WDR72: variants seen among roughly 807,000 people sequenced by gnomAD.
The protein encoded by WDR72 is WD repeat-containing protein 72.
Under a neutral mutation model 124.2 loss-of-function variants are expected in WDR72, and 120 were observed. The observed-to-expected ratio is 0.97, with a 90% CI of 0.83 to 1.12. WDR72 has a LOEUF of 1.12. Ranked by LOEUF, WDR72 falls within the 50% of genes most tolerant of loss-of-function variation. The probability of loss-of-function intolerance (pLI) is 0.00; values close to 1 mark genes in which losing one functional copy is unlikely to be tolerated. For missense variants in WDR72, 1,387 were observed against 1,278.8 expected (o/e 1.08, Z -1.29); for synonymous variants, 452 against 441.7 (o/e 1.02, Z -0.29).
chr15:53,619,379 TC>T (rs2013897746), intron 14 of WDR72, among the ~76,000 whole-genome samples: 1 of 151,738 alleles, frequency 6.6e-6, no homozygotes, highest in African/African-American at 2.4e-5. Flanking sequence ...ATACCAGGTA[TC>T]CAGGGGTACT....
chr15:53,734,531 T>G (rs1282659537), intron 1 of WDR72, among the ~76,000 whole-genome samples: 1 of 152,178 alleles, frequency 6.6e-6, no homozygotes, highest in Non-Finnish European at 1.5e-5. Flanking sequence ...TGTTGCTTCC[T>G]GACCAAGCTT....
intron 3 of WDR72, among the ~76,000 whole-genome samples, chr15:53,719,282 G>C (rs1258634408): frequency 6.6e-6 from 1 of 151,470 alleles, no homozygotes; most frequent in African/African-American, 2.4e-5. Flanking sequence ...TTTTTTCTTT[G>C]GCATTCTCAG....
intron 1 of WDR72, among the ~76,000 whole-genome samples, chr15:53,757,718 T>A (rs1393277783): frequency 6.6e-6 from 1 of 152,200 alleles, no homozygotes; most frequent in Non-Finnish European, 1.5e-5. Flanking sequence ...CTAACATTAT[T>A]ATTATTAAAT....
chr15:53,624,568 C>CA lies in WDR72; in HGVS notation c.1963-8326dup, dbSNP rs1213272138. Among the ~76,000 whole-genome samples, 47 of 152,204 alleles carry CA rather than the reference C, an allele frequency of 3.1e-4. 1 individual carries two copies. The highest frequency in any genetic ancestry group is 1.1e-3 in the African/African-American group (45 of 41,458). On this transcript the variant is annotated intron_variant, in intron 14 of 19. Transcript: ENST00000360509. ...AGCCACAATAGGCCTAGTGCACTGCCATAAGCAAAAATCCTAAATTTGTGT... is the reference window on the plus strand; with the variant it reads ...AGCCACAATAGGCCTAGTGCACTGCCAATAAGCAAAAATCCTAAATTTGTGT...
intron 13 of WDR72, among the ~76,000 whole-genome samples, chr15:53,668,783 G>A (rs991766574): frequency 7.3e-5 from 11 of 151,694 alleles, no homozygotes; most frequent in Admixed American, 5.3e-4. Flanking sequence ...GCATGTGCTT[G>A]TAGTCACAGC....
At chr15:53,562,938 T>C (rs1236590799) in intron 18 of WDR72, among the ~76,000 whole-genome samples, 3 of 151,816 alleles carry the variant, frequency 2.0e-5, no homozygotes, top group Non-Finnish European at 4.4e-5. Flanking sequence ...ACTTAAATCA[T>C]ACCAAGATAC....
At chr15:53,622,805 T>C (rs879354394) in intron 14 of WDR72, among the ~76,000 whole-genome samples, 1 of 151,520 alleles carries the variant, frequency 6.6e-6, no homozygotes, top group Non-Finnish European at 1.5e-5. Context: ...TAAACTAAAA[T>C]AAAGGGCCCT....
chr15:53,606,777 C>G (rs1160418601), intron 17 of WDR72, among the ~76,000 whole-genome samples: 1 of 152,032 alleles, frequency 6.6e-6, no homozygotes, highest in Non-Finnish European at 1.5e-5. Context: ...TTCAAATGAG[C>G]TTTACGTCTT....
At position 53,759,087 on chromosome 15, in the gene WDR72, G is replaced by C. The variant is rs187694799; in HGVS notation, c.-13+546C>G. Reference sequence around the variant, plus strand: ...AGCAAGGAAAGTTTCGCCAGCCCCCGTCCCCACAGCCCCAAGCTGTCACAC... The same window carrying C: ...AGCAAGGAAAGTTTCGCCAGCCCCCCTCCCCACAGCCCCAAGCTGTCACAC... On this transcript the variant is annotated intron_variant, in intron 1 of 19. Transcript: ENST00000360509. 3.7e-4 allele frequency among the ~76,000 whole-genome samples: 56 copies of C among 152,042 alleles called. No homozygotes were observed. In the East Asian group the frequency reaches 9.5e-3, roughly 26 times the overall value.
chr15:53,760,706 G>A (rs2019046372), upstream of WDR72, among the ~76,000 whole-genome samples: 1 of 152,094 alleles, frequency 6.6e-6, no homozygotes, highest in South Asian at 2.1e-4. Context: ...CTAGCAATCG[G>A]GTTGCTGGAT....
rs922156351 is a variant in WDR72 at position 53,552,142 on chromosome 15, G to C, written c.3149-28820C>G. The stretch of plus-strand genomic sequence containing the variant: ...CTATACCTATCATGTGTGTGTGTGT[G>C]TGTGTGTGTGTTTATGTATGTACTA... On this transcript the variant is annotated intron_variant, in intron 18 of 19. Coordinates refer to ENST00000360509, the MANE Select transcript of WDR72 (RefSeq NM_182758.4). 4.0e-5 allele frequency among the ~76,000 whole-genome samples: 6 copies of C among 151,880 alleles called. No individual in the cohort carries two copies. The East Asian group carries it at 1.2e-3, about 29-fold the overall frequency.
At chr15:53,677,304 T>C (rs543838849) in intron 13 of WDR72, among the ~76,000 whole-genome samples, 16 of 152,328 alleles carry the variant, frequency 1.1e-4, no homozygotes, top group Non-Finnish European at 1.8e-4. Flanking sequence ...AGACATTTCA[T>C]ACTTTTTTAT....
At chr15:53,681,919 T>C (rs1248151238) in intron 13 of WDR72, among the ~76,000 whole-genome samples, 1 of 152,092 alleles carries the variant, frequency 6.6e-6, no homozygotes, top group African/African-American at 2.4e-5. Flanking sequence ...ATTTTTAAAA[T>C]AAGTCATGGA....
chr15:53,699,887 T>C lies in WDR72; in HGVS notation c.1628A>G (p.His543Arg). Residue 543 changes from histidine (H) to arginine (R), a missense_variant, in exon 13 of 20, where the codon CAC (histidine) becomes CGC (arginine). Transcript: ENST00000360509. ...CAGGAGGCAACTCTTTCCCTCAAGG[T>C]GAAGGAGAGCCACGGAATGGTCACC... ...VCGDHSVALL[H>R]LEGKSCLLHA... The C allele has an allele frequency of 6.2e-7, 1 of 1,614,142 alleles. No homozygotes were observed. Among genetic ancestry groups the C allele is most frequent in the Non-Finnish European group, 8.5e-7 (1 of 1,180,028 alleles).
chr15:53,539,833 T>C (rs1297328675), intron 18 of WDR72, among the ~76,000 whole-genome samples: 1 of 152,090 alleles, frequency 6.6e-6, no homozygotes, highest in Admixed American at 6.5e-5. Flanking sequence ...AATTCACCTA[T>C]TAGAATAAAA....
chr15:53,657,346 G>A (rs1430075638), intron 14 of WDR72, among the ~76,000 whole-genome samples: 1 of 150,834 alleles, frequency 6.6e-6, no homozygotes, highest in African/African-American at 2.4e-5. Flanking sequence ...AAATAGTTTT[G>A]GATGCATAAT....
intron 14 of WDR72, among the ~76,000 whole-genome samples, chr15:53,625,807 A>AC (rs1357662504): frequency 1.3e-5 from 2 of 152,046 alleles, no homozygotes; most frequent in African/African-American, 4.8e-5. Flanking sequence ...ACAAAAAAAA[A>AC]AAAATGTAAT....
intron 4 of WDR72, 113 bp downstream of exon 4, chr15:53,716,494 A>G (rs2017711606): frequency 1.2e-6 from 1 of 815,738 alleles, no homozygotes; most frequent in Non-Finnish European, 2.1e-6. Flanking sequence ...ATGACAAAAT[A>G]AAAATTCAAG....
intron 16 of WDR72, among the ~76,000 whole-genome samples, chr15:53,613,045 A>G (rs2013611959): frequency 6.6e-6 from 1 of 152,012 alleles, no homozygotes; most frequent in Non-Finnish European, 1.5e-5. Context: ...GGAAAGTAAA[A>G]AAGAATCGCA....
Sources: gnomAD v4.1 joint callset for allele counts (sites outside exome capture counted in the v4.1 genomes callset) on GRCh38, gnomAD v4.1.1 for gene constraint, MANE v1.5 for transcripts, NCBI Gene and HGNC (gene_info 2026-07-23, HGNC 2026-07-21) for gene names.